Variants in FCHSD2 observed in about 807,000 individuals in gnomAD.
The protein encoded by FCHSD2 is FCH and double SH3 domains 2.
Under a neutral mutation model 108.1 loss-of-function variants are expected in FCHSD2, and 38 were observed. That is an observed-to-expected ratio of 0.35 (90% CI 0.27 to 0.46). The LOEUF (loss-of-function observed/expected upper bound fraction) is 0.46. Among genes scored for constraint, FCHSD2 ranks in the 20% least tolerant of loss-of-function variants. The pLI is 1.00. For synonymous variants in FCHSD2, 279 were observed against 314.7 expected (o/e 0.89, Z 1.20); for missense variants, 751 against 897.8 (o/e 0.84, Z 2.09).
chr11:72,992,055 C>T (rs1336006238), intron 5 of FCHSD2, among the ~76,000 whole-genome samples: 2 of 152,226 alleles, frequency 1.3e-5, no homozygotes, highest in African/African-American at 4.8e-5. Context: ...TAGGCAACTT[C>T]AGCAAAGTCT....
At chr11:72,931,095 AATT>A (rs1300448885) in intron 8 of FCHSD2, among the ~76,000 whole-genome samples, 3 of 43,806 alleles carry the variant, frequency 6.8e-5, no homozygotes, top group African/African-American at 3.0e-4. Context: ...ACAATAATTA[AATT>A]TTTTTTTTTT....
intron 12 of FCHSD2, among the ~76,000 whole-genome samples, chr11:72,878,251 C>A (rs1432812798): frequency 2.6e-5 from 4 of 152,122 alleles, no homozygotes; most frequent in African/African-American, 9.7e-5. Context: ...TGAATAGTCA[C>A]TGCATTCTAG....
intron 5 of FCHSD2, among the ~76,000 whole-genome samples, chr11:72,994,949 A>G (rs1200728775): frequency 6.6e-6 from 1 of 152,030 alleles, no homozygotes; most frequent in Non-Finnish European, 1.5e-5. Flanking sequence ...ACATTTTCCT[A>G]CCCCAAAAAG....
Position 73,047,049 on chromosome 11 carries a change from C to T in FCHSD2, c.166-31164G>A, listed in dbSNP as rs983827246. 6.6e-5 allele frequency among the ~76,000 whole-genome samples: 10 copies of T among 151,674 alleles called. No homozygotes were observed. The South Asian group carries it at 2.1e-3, about 32-fold the overall frequency. ...ATATTTTTATCAATGATAAAAAATACTATTAAATATAAAAGACAAGATGCA... is the reference window on the plus strand; with the variant it reads ...ATATTTTTATCAATGATAAAAAATATTATTAAATATAAAAGACAAGATGCA... On this transcript the variant is annotated intron_variant, in intron 3 of 19. Coordinates refer to ENST00000409418, the MANE Select transcript of FCHSD2 (RefSeq NM_014824.3).
At chr11:73,003,727 C>T (rs1857676011) in intron 4 of FCHSD2, among the ~76,000 whole-genome samples, 1 of 151,362 alleles carries the variant, frequency 6.6e-6, no homozygotes, top group African/African-American at 2.4e-5. Flanking sequence ...ACCTCGTGAT[C>T]CGCCCGCCTC....
intron 2 of FCHSD2, among the ~76,000 whole-genome samples, chr11:73,114,751 C>T (rs533432399): frequency 7.2e-5 from 11 of 152,160 alleles, no homozygotes; most frequent in African/African-American, 2.2e-4. Flanking sequence ...CTGATGACTC[C>T]GCCCAGTGCC....
At chr11:72,906,385 C>T (rs143131200) in intron 9 of FCHSD2, among the ~76,000 whole-genome samples, 2,001 of 152,278 alleles carry the variant, frequency 0.013, 44 homozygotes, top group African/African-American at 0.046. Flanking sequence ...TGCCTGTTCA[C>T]TCTGATGATA....
intron 8 of FCHSD2, among the ~76,000 whole-genome samples, chr11:72,930,398 T>C (rs373969244): frequency 2.4e-4 from 37 of 152,248 alleles, no homozygotes; most frequent in African/African-American, 7.5e-4. Flanking sequence ...AATGCAATTC[T>C]TGTTTTCCAA....
chr11:72,849,723 A>G (rs1359755400), intron 14 of FCHSD2, 32 bp downstream of exon 14: 2 of 1,547,254 alleles, frequency 1.3e-6, no homozygotes, highest in Non-Finnish European at 8.9e-7. Flanking sequence ...GTTAATCAGA[A>G]TTTAATAACA....
At chr11:72,934,249 C>T (rs534502446) in intron 8 of FCHSD2, among the ~76,000 whole-genome samples, 1 of 150,150 alleles carries the variant, frequency 6.7e-6, no homozygotes, top group East Asian at 2.0e-4. Context: ...ATGAGCAAAA[C>T]ACAAGAATGT....
chr11:73,125,484 T>A (rs137998102), intron 2 of FCHSD2, among the ~76,000 whole-genome samples: 87 of 152,046 alleles, frequency 5.7e-4, no homozygotes, highest in Middle Eastern at 3.4e-3. Context: ...GAAGGGGGAC[T>A]GCTTGAGCTC....
chr11:73,030,472 T>C (rs1591495591), intron 3 of FCHSD2, among the ~76,000 whole-genome samples: 1 of 152,154 alleles, frequency 6.6e-6, no homozygotes, highest in South Asian at 2.1e-4. Flanking sequence ...GGAAAGGCAA[T>C]AGGGATGGAT....
At chr11:72,974,869 C>A (rs1007600874) in intron 8 of FCHSD2, among the ~76,000 whole-genome samples, 2 of 151,374 alleles carry the variant, frequency 1.3e-5, no homozygotes, top group East Asian at 1.9e-4. Context: ...CAGAATTAAG[C>A]AGAATTTAAT....
At chr11:73,070,915 G>C (rs1859421178) in intron 3 of FCHSD2, among the ~76,000 whole-genome samples, 1 of 152,110 alleles carries the variant, frequency 6.6e-6, no homozygotes, top group East Asian at 1.9e-4. Flanking sequence ...AATTTAGTTT[G>C]ATTCAGAAGT....
chr11:73,049,684 TAAA>T (rs557262661), intron 3 of FCHSD2, among the ~76,000 whole-genome samples: 5 of 75,664 alleles, frequency 6.6e-5, no homozygotes, highest in African/African-American at 1.1e-4. Context: ...TAGAGTATAA[TAAA>T]AAAAAAAAAA....
At chr11:72,928,859 C>T (rs963036393) in intron 8 of FCHSD2, among the ~76,000 whole-genome samples, 7 of 152,100 alleles carry the variant, frequency 4.6e-5, no homozygotes, top group South Asian at 2.1e-4. Flanking sequence ...TCTCCTAATG[C>T]TATCCCTCCC....
intron 8 of FCHSD2, among the ~76,000 whole-genome samples, chr11:72,935,001 A>G (rs981690208): frequency 6.6e-6 from 1 of 152,070 alleles, no homozygotes; most frequent in African/African-American, 2.4e-5. Flanking sequence ...TCCCTTACAC[A>G]TTACCTCTGC....
Position 72,984,227 on chromosome 11 carries a change from G to C in FCHSD2, c.577-11C>G. The C allele has an allele frequency of 1.9e-6, 3 of 1,613,246 alleles. No individual in the cohort carries two copies. The highest frequency in any genetic ancestry group is 2.5e-6 in the Non-Finnish European group (3 of 1,179,320). ...TCGCCGGGCTTTTAACTAAAACATA[G>C]CAAAATAAAATAATCAGTGCAAACT... On this transcript the variant is annotated splice_polypyrimidine_tract_variant and intron_variant, in intron 7 of 19. Coordinates refer to ENST00000409418, the MANE Select transcript of FCHSD2 (RefSeq NM_014824.3).
Position 72,889,894 on chromosome 11 carries a change from T to C in FCHSD2, c.976A>G (p.Lys326Glu). The C allele has an allele frequency of 6.2e-7, 1 of 1,613,754 alleles. No homozygotes were observed. The highest frequency in any genetic ancestry group is 8.5e-7 in the Non-Finnish European group (1 of 1,179,678). Residue 326 changes from lysine to glutamate, a missense_variant, in exon 11 of 20, where the codon AAG (lysine) becomes GAG (glutamate). Coordinates refer to ENST00000409418, the MANE Select transcript of FCHSD2 (RefSeq NM_014824.3). ...CGTGTGGCCCATTTTCGAGCTTCCTTATTTAGACTGTGCTCCTCTGTGGTC... is the reference window on the plus strand; with the variant it reads ...CGTGTGGCCCATTTTCGAGCTTCCTCATTTAGACTGTGCTCCTCTGTGGTC... ...TGTTEEHSLN[K>E]EARKWATRVA...
Sources: gnomAD v4.1 joint callset for allele counts (sites outside exome capture counted in the v4.1 genomes callset) on GRCh38, gnomAD v4.1.1 for gene constraint, MANE v1.5 for transcripts, NCBI Gene and HGNC (gene_info 2026-07-23, HGNC 2026-07-21) for gene names.